PDZRN4: variants seen among roughly 807,000 people sequenced by gnomAD.
PDZRN4 encodes the protein PDZ domain containing ring finger 4, also known as PDZ domain-containing RING finger protein 4.
Under a neutral mutation model 99.0 loss-of-function variants are expected in PDZRN4, and 70 were observed. The ratio of observed to expected loss-of-function variants is 0.71; its 90% CI spans 0.58 to 0.86. The LOEUF is 0.86. PDZRN4 is among the 40% of genes least tolerant of loss of function. The pLI is 0.00. For missense variants in PDZRN4, 1,474 were observed against 1,331.2 expected (o/e 1.11, Z -1.67); for synonymous variants, 551 against 501.6 (o/e 1.10, Z -1.32).
chr12:41,431,675 A>G (rs1445015774), intron 3 of PDZRN4, among the ~76,000 whole-genome samples: 1 of 152,212 alleles, frequency 6.6e-6, no homozygotes, highest in African/African-American at 2.4e-5. Flanking sequence ...ATTGGAGTCT[A>G]GTCTAATAAT....
rs1228045359 is a variant in PDZRN4, at chr12:41,571,362, TCTCTCTCTCTCTCTCACACACACA to T, written c.1585-1000_1585-977del. Reference sequence around the variant, plus strand: ...CTCTCTCTCTCTCTCTCTCTCTCTCTCTCTCTCTCTCTCTCACACACACACACACACACACACACACACACTACA... The same window carrying T: ...CTCTCTCTCTCTCTCTCTCTCTCTCTCACACACACACACACACACACTACA... On this transcript the variant is annotated intron_variant, in intron 9 of 9. Coordinates refer to ENST00000402685, the MANE Select transcript of PDZRN4 (RefSeq NM_001164595.2). Among the ~76,000 whole-genome samples, 67 of 97,836 alleles carry T rather than the reference TCTCTCTCTCTCTCTCACACACACA, an allele frequency of 6.8e-4. 1 individual carries two copies. Among genetic ancestry groups the T allele is most frequent in the African/African-American group, 3.0e-3 (61 of 20,604 alleles). The allele number at this position is 97,836 out of a possible 152,430, so 64.2% of individuals were successfully genotyped here. A position where few individuals can be genotyped will look rare whatever the true frequency, so the allele number is the denominator to read the frequency against.
chr12:41,358,220 T>C (rs889329976), intron 3 of PDZRN4, among the ~76,000 whole-genome samples: 2 of 152,058 alleles, frequency 1.3e-5, no homozygotes, highest in South Asian at 4.1e-4. Flanking sequence ...AGCCTCAAAA[T>C]TGTGACCCTT....
chr12:41,448,905 G>C (rs1952752191), intron 3 of PDZRN4, among the ~76,000 whole-genome samples: 1 of 152,054 alleles, frequency 6.6e-6, no homozygotes, highest in African/African-American at 2.4e-5. Context: ...TGAGGAAACT[G>C]TCATTGCTTT....
At chr12:41,515,249 T>C (rs1249583909) in intron 5 of PDZRN4, among the ~76,000 whole-genome samples, 1 of 152,068 alleles carries the variant, frequency 6.6e-6, no homozygotes, top group Non-Finnish European at 1.5e-5. Flanking sequence ...TATCTGTATG[T>C]TGAAGTAGAT....
chr12:41,536,694 C>G (rs755426360), intron 5 of PDZRN4, among the ~76,000 whole-genome samples: 7 of 148,120 alleles, frequency 4.7e-5, no homozygotes, highest in African/African-American at 1.0e-4. Flanking sequence ...TGGAAAATCT[C>G]TGTACTTTCT....
At chr12:41,476,430 T>A (rs1362835326) in intron 3 of PDZRN4, among the ~76,000 whole-genome samples, 2 of 152,332 alleles carry the variant, frequency 1.3e-5, no homozygotes, top group African/African-American at 4.8e-5. Flanking sequence ...AGTGTTTAAA[T>A]GCCATTCTTT....
At chr12:41,318,211 A>G (rs555400062) in intron 3 of PDZRN4, among the ~76,000 whole-genome samples, 4 of 152,170 alleles carry the variant, frequency 2.6e-5, no homozygotes, top group Non-Finnish European at 4.4e-5. Context: ...GATAATCAAA[A>G]TGACCTGGGA....
chr12:41,196,391 A>G (rs1950773198), intron 3 of PDZRN4, among the ~76,000 whole-genome samples: 1 of 152,114 alleles, frequency 6.6e-6, no homozygotes, highest in South Asian at 2.1e-4. Flanking sequence ...TTTTATGTAT[A>G]TATGCTATAG....
chr12:41,189,148 G>A (rs776658403), intron 1 of PDZRN4, 45 bp downstream of exon 1: 5 of 1,538,062 alleles, frequency 3.3e-6, no homozygotes, highest in Non-Finnish European at 3.5e-6. Context: ...CGATTGGGGT[G>A]GGAAAAGGAG....
At chr12:41,306,976 C>A (rs1342825606) in intron 3 of PDZRN4, among the ~76,000 whole-genome samples, 1 of 152,136 alleles carries the variant, frequency 6.6e-6, no homozygotes. Context: ...TGAAAGCTTT[C>A]TCTCCAGCTC....
intron 3 of PDZRN4, among the ~76,000 whole-genome samples, chr12:41,492,522 G>A (rs1937907970): frequency 6.6e-6 from 1 of 151,984 alleles, no homozygotes; most frequent in Non-Finnish European, 1.5e-5. Flanking sequence ...TTTGCTTTGT[G>A]ATTTGAGCAT....
intron 3 of PDZRN4, among the ~76,000 whole-genome samples, chr12:41,338,866 T>C (rs1289836242): frequency 1.3e-5 from 2 of 151,814 alleles, no homozygotes; most frequent in Non-Finnish European, 2.9e-5. Flanking sequence ...GGATTAAACA[T>C]AACCAAAACA....
At chr12:41,515,948 C>T (rs1938393299) in intron 5 of PDZRN4, among the ~76,000 whole-genome samples, 1 of 151,972 alleles carries the variant, frequency 6.6e-6, no homozygotes, top group Non-Finnish European at 1.5e-5. Flanking sequence ...CACCACCTCA[C>T]CTTTCCAGCA....
chr12:41,529,436 G>A (rs1417911979), intron 5 of PDZRN4, among the ~76,000 whole-genome samples: 1 of 152,176 alleles, frequency 6.6e-6, no homozygotes, highest in African/African-American at 2.4e-5. Flanking sequence ...GCACTTTAGT[G>A]CTACCATAAT....
At chr12:41,237,045 G>A (rs1951072482) in intron 3 of PDZRN4, among the ~76,000 whole-genome samples, 1 of 151,936 alleles carries the variant, frequency 6.6e-6, no homozygotes, top group Non-Finnish European at 1.5e-5. Context: ...ATTGCAAAAA[G>A]GCAAGAAGGA....
chr12:41,307,203 A>G (rs1044385100), intron 3 of PDZRN4, among the ~76,000 whole-genome samples: 1 of 152,108 alleles, frequency 6.6e-6, no homozygotes. Context: ...AATACCATAG[A>G]CTAGGTAGCC....
intron 3 of PDZRN4, among the ~76,000 whole-genome samples, chr12:41,310,313 C>G (rs1409592645): frequency 6.6e-6 from 1 of 151,902 alleles, no homozygotes; most frequent in East Asian, 1.9e-4. Context: ...AAAATTTGCA[C>G]ATTATCAATG....
chr12:41,353,502 G>T (rs144570890), intron 3 of PDZRN4, among the ~76,000 whole-genome samples: 14 of 152,204 alleles, frequency 9.2e-5, no homozygotes, highest in African/African-American at 3.4e-4. Context: ...TAGATGACTT[G>T]TCTGGGAACT....
chr12:41,239,366 G>T (rs1951088947), intron 3 of PDZRN4, among the ~76,000 whole-genome samples: 1 of 152,164 alleles, frequency 6.6e-6, no homozygotes. Flanking sequence ...GCTAGTAAAT[G>T]CTTGCCTTAA....
Sources: allele counts gnomAD v4.1 joint callset (sites outside exome capture counted in the v4.1 genomes callset), GRCh38; gene constraint gnomAD v4.1.1; transcripts MANE v1.5; gene names NCBI Gene and HGNC (gene_info 2026-07-23, HGNC 2026-07-21).